The following PRELID2 variants were observed in gnomAD, a reference collection of about 807,000 sequenced individuals.
The protein encoded by PRELID2 is PRELI domain containing 2, also known as PRELI domain-containing protein 2.
PRELID2 carries 25 observed loss-of-function variants against 28.4 expected under a neutral mutation model. The observed-to-expected ratio is 0.88, with a 90% CI of 0.64 to 1.23. PRELID2 has a LOEUF of 1.23. Ranked by LOEUF, PRELID2 falls within the 50% of genes most tolerant of loss-of-function variation. The pLI is 0.00. For missense variants in PRELID2, 201 were observed against 214.4 expected (o/e 0.94, Z 0.39); for synonymous variants, 76 against 71.6 (o/e 1.06, Z -0.31).
chr5:145,468,977 T>C (rs1191673225), downstream of PRELID2, among the ~76,000 whole-genome samples: 1 of 152,158 alleles, frequency 6.6e-6, no homozygotes. Flanking sequence ...GTTTTAGACA[T>C]GAAGTCCTTA....
intron 1 of PRELID2, among the ~76,000 whole-genome samples, chr5:145,725,121 TAA>T (rs1756108499): frequency 6.6e-6 from 1 of 151,764 alleles, no homozygotes; most frequent in Admixed American, 6.6e-5. Context: ...CTAAAATTCA[TAA>T]GTTATTGACT....
intron 5 of PRELID2, among the ~76,000 whole-genome samples, chr5:145,783,477 C>A (rs532381820): frequency 1.3e-5 from 2 of 152,184 alleles, no homozygotes; most frequent in Non-Finnish European, 2.9e-5. Flanking sequence ...AAGAATACAG[C>A]AGCTACTATG....
intron 1 of PRELID2, among the ~76,000 whole-genome samples, chr5:145,686,200 T>C (rs1755035594): frequency 6.6e-6 from 1 of 152,132 alleles, no homozygotes. Flanking sequence ...CCAATAGAAT[T>C]GCCTCACCCA....
the PRELID2 span, among the ~76,000 whole-genome samples, chr5:145,455,208 G>A: frequency 6.6e-6 from 1 of 152,026 alleles, no homozygotes; most frequent in African/African-American, 2.4e-5. Context: ...TATTAAATAG[G>A]GAATCCTTTC....
the PRELID2 span, among the ~76,000 whole-genome samples, chr5:145,403,191 C>G: frequency 6.6e-6 from 1 of 152,056 alleles, no homozygotes; most frequent in East Asian, 1.9e-4. Flanking sequence ...CCAGAGTGTC[C>G]AATCTCCTTT....
At chr5:145,830,415 C>T (rs940485522) in intron 1 of PRELID2, among the ~76,000 whole-genome samples, 2 of 152,154 alleles carry the variant, frequency 1.3e-5, no homozygotes, top group African/African-American at 4.8e-5. Flanking sequence ...TTAAGAAGTT[C>T]TCTGAATCCA....
At chr5:145,368,661 T>C in the PRELID2 span, among the ~76,000 whole-genome samples, 1 of 152,076 alleles carries the variant, frequency 6.6e-6, no homozygotes, top group Admixed American at 6.6e-5. Context: ...CCAATTTTTA[T>C]TTATCTTTTA....
chr5:145,320,683 C>T, the PRELID2 span, among the ~76,000 whole-genome samples: 2 of 151,874 alleles, frequency 1.3e-5, no homozygotes, highest in Non-Finnish European at 2.9e-5. Context: ...TGCCTTTTTT[C>T]GATCACTGTT....
intron 1 of PRELID2, among the ~76,000 whole-genome samples, chr5:145,603,077 AT>A (rs911206864): frequency 1.3e-4 from 19 of 151,398 alleles, no homozygotes; most frequent in African/African-American, 4.6e-4. Flanking sequence ...ATAACTCGAT[AT>A]TTTTTTTTCA....
At chr5:145,248,035 T>C in the PRELID2 span, among the ~76,000 whole-genome samples, 2 of 152,208 alleles carry the variant, frequency 1.3e-5, no homozygotes, top group South Asian at 4.1e-4. Context: ...TCATAACTAA[T>C]ATACCTTGTG....
chr5:145,317,741 G>T, the PRELID2 span, among the ~76,000 whole-genome samples: 1 of 152,096 alleles, frequency 6.6e-6, no homozygotes, highest in East Asian at 1.9e-4. Context: ...CTTCTATCAG[G>T]TGACTTTGTC....
intron 1 of PRELID2, among the ~76,000 whole-genome samples, chr5:145,562,637 G>A (rs1187004727): frequency 1.3e-5 from 2 of 152,168 alleles, no homozygotes; most frequent in East Asian, 3.9e-4. Flanking sequence ...TTGTCTTCAT[G>A]TTCTTTGTGG....
At chr5:145,404,059 G>A in the PRELID2 span, among the ~76,000 whole-genome samples, 3 of 152,174 alleles carry the variant, frequency 2.0e-5, no homozygotes, top group Admixed American at 1.3e-4. Flanking sequence ...ACCCTGATTT[G>A]AAGCGGATTA....
At chr5:145,522,795 G>A (rs13185880) in intron 1 of PRELID2, among the ~76,000 whole-genome samples, 1 of 151,468 alleles carries the variant, frequency 6.6e-6, no homozygotes, top group Non-Finnish European at 1.5e-5. Context: ...AGGAAGAAGA[G>A]GAGGAGGATG....
At chr5:145,696,217 T>A (rs542412830) in intron 1 of PRELID2, among the ~76,000 whole-genome samples, 2 of 146,130 alleles carry the variant, frequency 1.4e-5, no homozygotes, top group East Asian at 4.1e-4. Flanking sequence ...TTTGCCAGTT[T>A]AGCAGCCACT....
the PRELID2 span, among the ~76,000 whole-genome samples, chr5:145,281,749 AATGAGAAAGAGT>A: frequency 6.6e-6 from 1 of 152,332 alleles, no homozygotes; most frequent in East Asian, 1.9e-4. Context: ...TTTTATTCCA[AATGAGAAAGAGT>A]ACGATCAATA....
At chr5:145,804,071 A>AG (rs1420141957) in intron 4 of PRELID2, among the ~76,000 whole-genome samples, 2 of 152,178 alleles carry the variant, frequency 1.3e-5, no homozygotes, top group Non-Finnish European at 2.9e-5. Context: ...AGAAACCAAC[A>AG]GGTTGTTACC....
chr5:145,681,606 A>G (rs1278713299), intron 1 of PRELID2, among the ~76,000 whole-genome samples: 1 of 152,212 alleles, frequency 6.6e-6, no homozygotes, highest in Admixed American at 6.5e-5. Context: ...GTGAAGATTA[A>G]GACATCCGTA....
chr5:145,799,692 T>A (rs1253239719), intron 4 of PRELID2, among the ~76,000 whole-genome samples: 4 of 151,964 alleles, frequency 2.6e-5, no homozygotes, highest in African/African-American at 9.7e-5. Context: ...GAGCATAAGG[T>A]GGGTGTGGGA....
Sources: allele counts gnomAD v4.1 joint callset (sites outside exome capture counted in the v4.1 genomes callset), GRCh38; gene constraint gnomAD v4.1.1; transcripts MANE v1.5; gene names NCBI Gene and HGNC (gene_info 2026-07-23, HGNC 2026-07-21).